The following EXOC6 variants were observed in gnomAD, a reference collection of about 807,000 sequenced individuals.
EXOC6 encodes the protein SEC15-like 1.
In EXOC6, 60 loss-of-function variants were observed where a neutral mutation model predicts 112.5. The observed-to-expected ratio is 0.53, with a 90% CI of 0.43 to 0.66. EXOC6 has a LOEUF of 0.66. EXOC6 is among the 30% of genes least tolerant of loss of function. EXOC6 has a pLI of 0.00. For synonymous variants in EXOC6, 295 were observed against 308.0 expected, an observed-to-expected ratio of 0.96 and a Z score of 0.44; for missense variants, 855 against 957.1, an observed-to-expected ratio of 0.89 and a Z score of 1.41.
intron 17 of EXOC6, among the ~76,000 whole-genome samples, chr10:92,960,646 G>A (rs1853936167): frequency 6.8e-6 from 1 of 146,536 alleles, no homozygotes; most frequent in Non-Finnish European, 1.5e-5. Flanking sequence ...AAGAAATAAA[G>A]CATTACTAGC....
At chr10:92,880,588 C>T (rs895592886) in intron 1 of EXOC6, among the ~76,000 whole-genome samples, 11 of 152,164 alleles carry the variant, frequency 7.2e-5, no homozygotes, top group African/African-American at 2.7e-4. Flanking sequence ...ATAAAATATA[C>T]ACCAAGTAGT....
intron 18 of EXOC6, among the ~76,000 whole-genome samples, chr10:92,995,397 G>A (rs941893334): frequency 7.1e-6 from 1 of 141,118 alleles, no homozygotes; most frequent in African/African-American, 2.6e-5. Flanking sequence ...CAGTGTGTTT[G>A]CTTATGAAAT....
chr10:93,024,535 G>A (rs1216156655), intron 20 of EXOC6, among the ~76,000 whole-genome samples: 6 of 152,056 alleles, frequency 3.9e-5, no homozygotes, highest in East Asian at 1.9e-4. Context: ...GGGTTCGAGC[G>A]ATTTTCCTAC....
At chr10:92,896,055 A>ATG (rs1435888104) in intron 4 of EXOC6, among the ~76,000 whole-genome samples, 468 of 46,478 alleles carry the variant, frequency 0.01, 8 homozygotes, top group African/African-American at 0.045. Context: ...GTGTATATAT[A>ATG]TGTGTATATA....
At chr10:92,952,546 T>G (rs1589899168) in intron 15 of EXOC6, among the ~76,000 whole-genome samples, 164 bp downstream of exon 15, 2 of 152,228 alleles carry the variant, frequency 1.3e-5, no homozygotes, top group Non-Finnish European at 2.9e-5. Context: ...GGGGTATGCT[T>G]GAACGTGTCA....
At chr10:92,848,326 T>TCGC, upstream of EXOC6, 1 of 175,174 alleles carries the variant, frequency 5.7e-6, no homozygotes, top group South Asian at 1.9e-4. Flanking sequence ...CCGCCGCCCG[T>TCGC]AGCCCCAGCT....
intron 8 of EXOC6, among the ~76,000 whole-genome samples, chr10:92,922,994 A>C (rs1476610065): frequency 6.6e-6 from 1 of 152,182 alleles, no homozygotes; most frequent in Non-Finnish European, 1.5e-5. Flanking sequence ...TGTCTTCAGA[A>C]TAGTTCTTCT....
intron 1 of EXOC6, among the ~76,000 whole-genome samples, chr10:92,835,026 C>T (rs1846620861): frequency 6.6e-6 from 1 of 152,184 alleles, no homozygotes; most frequent in Non-Finnish European, 1.5e-5. Flanking sequence ...TGTTTCCTAA[C>T]TCATCACCAT....
intron 13 of EXOC6, among the ~76,000 whole-genome samples, chr10:92,945,007 G>A (rs189946676): frequency 6.6e-6 from 1 of 151,666 alleles, no homozygotes; most frequent in Non-Finnish European, 1.5e-5. Context: ...CCCGACCTCA[G>A]GTGATCTGCC....
intron 12 of EXOC6, among the ~76,000 whole-genome samples, chr10:92,939,681 G>C (rs1852548649): frequency 6.6e-6 from 1 of 152,058 alleles, no homozygotes; most frequent in Non-Finnish European, 1.5e-5. Context: ...CATTAGACTT[G>C]AGATTGCCCT....
chr10:93,018,333 A>G (rs1445955843), intron 20 of EXOC6, among the ~76,000 whole-genome samples: 1 of 152,214 alleles, frequency 6.6e-6, no homozygotes, highest in Admixed American at 6.5e-5. Flanking sequence ...GAGGCATAAT[A>G]AAATATTATA....
intron 20 of EXOC6, among the ~76,000 whole-genome samples, chr10:93,038,215 G>A (rs950184685): frequency 1.3e-5 from 2 of 151,614 alleles, no homozygotes; most frequent in African/African-American, 4.8e-5. Context: ...ACATACTAGT[G>A]GATATTATAA....
At chr10:93,016,873 C>CG (rs1844548001) in intron 20 of EXOC6, among the ~76,000 whole-genome samples, 2 of 150,898 alleles carry the variant, frequency 1.3e-5, no homozygotes, top group South Asian at 4.2e-4. Context: ...AGTGCAGTGG[C>CG]GCGATCTTGG....
At chr10:92,998,264 A>G (rs1472196299) in intron 19 of EXOC6, among the ~76,000 whole-genome samples, 1 of 152,144 alleles carries the variant, frequency 6.6e-6, no homozygotes, top group Non-Finnish European at 1.5e-5. Flanking sequence ...ACAAGATATG[A>G]GTATATGTGA....
intron 1 of EXOC6, among the ~76,000 whole-genome samples, chr10:92,882,095 T>G (rs1315446504): frequency 6.6e-6 from 1 of 152,194 alleles, no homozygotes; most frequent in Non-Finnish European, 1.5e-5. Flanking sequence ...TCTGCTGTAT[T>G]TGATAAAATG....
chr10:92,871,870 T>C (rs1848465953), intron 1 of EXOC6, among the ~76,000 whole-genome samples: 1 of 152,092 alleles, frequency 6.6e-6, no homozygotes, highest in African/African-American at 2.4e-5. Context: ...ATCCCACTTG[T>C]CAGTCCTAAT....
chr10:92,879,296 T>G (rs964165034), intron 1 of EXOC6, among the ~76,000 whole-genome samples: 3 of 152,148 alleles, frequency 2.0e-5, no homozygotes, highest in African/African-American at 4.8e-5. Context: ...AGGGAGACTG[T>G]GTCTCTACAG....
chr10:92,887,390 ATTTTTTT>A (rs11304638), intron 1 of EXOC6, among the ~76,000 whole-genome samples: 1,435 of 83,862 alleles, frequency 0.017, 34 homozygotes, highest in African/African-American at 0.069. Context: ...GATTAATTTA[ATTTTTTT>A]TTTTTTTTTT....
chr10:92,942,989 C>T (rs1009546852), intron 13 of EXOC6, among the ~76,000 whole-genome samples: 1 of 151,608 alleles, frequency 6.6e-6, no homozygotes, highest in South Asian at 2.1e-4. Flanking sequence ...TTGACTTCTG[C>T]TTTTAATACT....
Sources: allele counts gnomAD v4.1 joint callset (sites outside exome capture counted in the v4.1 genomes callset), GRCh38; gene constraint gnomAD v4.1.1; transcripts MANE v1.5; gene names NCBI Gene and HGNC (gene_info 2026-07-23, HGNC 2026-07-21).